The following EFR3B variants were observed in gnomAD, a reference collection of about 807,000 sequenced individuals.
EFR3B encodes EFR3 homolog B.
In EFR3B, 64 loss-of-function variants were observed where a neutral mutation model predicts 104.7. The ratio of observed to expected loss-of-function variants is 0.61; its 90% CI spans 0.50 to 0.75. EFR3B has a LOEUF of 0.75. Ranked by LOEUF, EFR3B falls within the 30% of genes least tolerant of loss-of-function variation. EFR3B has a pLI of 0.00. For synonymous variants in EFR3B, 385 were observed against 417.9 expected, an observed-to-expected ratio of 0.92 and a Z score of 0.96; for missense variants, 750 against 1,078.5, an observed-to-expected ratio of 0.70 and a Z score of 4.27.
At chr2:25,063,834 C>T (rs1668261288) in intron 1 of EFR3B, among the ~76,000 whole-genome samples, 1 of 152,208 alleles carries the variant, frequency 6.6e-6, no homozygotes, top group South Asian at 2.1e-4. Flanking sequence ...GTTCTCCACT[C>T]CTCATTTAGA....
At chr2:25,128,356 G>T (rs1469464669) in intron 6 of EFR3B, 24 bp downstream of exon 6, 1 of 1,551,414 alleles carries the variant, frequency 6.4e-7, no homozygotes, top group South Asian at 1.2e-5. Context: ...GATGGGGCAG[G>T]ACAGTAGATA....
intron 2 of EFR3B, 21 bp from the exon 3 acceptor site, chr2:25,092,982 A>G (rs1376387513): frequency 6.5e-7 from 1 of 1,540,792 alleles, no homozygotes; most frequent in Non-Finnish European, 8.7e-7. Context: ...CATAGTGAGC[A>G]CAAGCTGTTT....
At chr2:25,103,209 C>T (rs1473357573) in intron 3 of EFR3B, among the ~76,000 whole-genome samples, 1 of 152,178 alleles carries the variant, frequency 6.6e-6, no homozygotes, top group Non-Finnish European at 1.5e-5. Context: ...ATCCTTACAC[C>T]CCCTGCACTG....
chr2:25,086,535 G>C (rs1317474472), intron 1 of EFR3B, among the ~76,000 whole-genome samples: 1 of 152,092 alleles, frequency 6.6e-6, no homozygotes, highest in Non-Finnish European at 1.5e-5. Flanking sequence ...TCTTTTCATA[G>C]GCTTATTTGC....
intron 1 of EFR3B, among the ~76,000 whole-genome samples, chr2:25,071,582 A>T (rs546166127): frequency 2.6e-5 from 4 of 152,136 alleles, no homozygotes; most frequent in Non-Finnish European, 5.9e-5. Flanking sequence ...TCTTTTCTGC[A>T]CATCCCCTGT....
chr2:25,048,657 C>T (rs1453590750), intron 1 of EFR3B, among the ~76,000 whole-genome samples: 1 of 152,096 alleles, frequency 6.6e-6, no homozygotes, highest in Non-Finnish European at 1.5e-5. Context: ...TATAAAATAA[C>T]AAGAGTTACA....
At chr2:25,145,919 C>T (rs961328098) in intron 19 of EFR3B, 3 of 151,784 alleles carry the variant, frequency 2.0e-5, no homozygotes, top group Non-Finnish European at 4.4e-5. Flanking sequence ...TGAAGTCTGT[C>T]GTTTACACTG....
Position 25,136,598 on chromosome 2 carries a change from G to T in EFR3B, c.1560G>T (p.Lys520Asn). The change falls in exon 14 of 23, where the codon AAG (lysine) becomes AAT (asparagine). Residue 520 changes from lysine to asparagine, a missense_variant and splice_region_variant. Transcript: ENST00000403714. This position sits in a 1 kb window ranked among gnomAD's most constrained non-coding sequence, Gnocchi z 4.0. ...CSRQDTVFMK[K>N]HSQQLYRHIY... ...GACAGGACACCGTCTTCATGAAGAAGGTAAACAAGCATGACCTCCAGGCAC... is the reference window on the plus strand; with the variant it reads ...GACAGGACACCGTCTTCATGAAGAATGTAAACAAGCATGACCTCCAGGCAC... 6.4e-7 allele frequency: 1 copy of T among 1,551,170 alleles called. No homozygotes were observed. The highest frequency in any genetic ancestry group is 8.7e-7 in the Non-Finnish European group (1 of 1,146,750).
intron 1 of EFR3B, among the ~76,000 whole-genome samples, chr2:25,048,102 A>G (rs1326945282): frequency 6.6e-6 from 1 of 152,048 alleles, no homozygotes; most frequent in Admixed American, 6.6e-5. Context: ...TGTAGCCTCA[A>G]CCTCCTGAGC....
At chr2:25,127,009 C>T (rs890030301) in intron 5 of EFR3B, among the ~76,000 whole-genome samples, 2 of 151,432 alleles carry the variant, frequency 1.3e-5, no homozygotes, top group Non-Finnish European at 1.5e-5. Context: ...CTGACCAACA[C>T]GGTGAAACCC....
intron 1 of EFR3B, among the ~76,000 whole-genome samples, chr2:25,065,581 C>G (rs1205354979): frequency 6.6e-6 from 1 of 152,142 alleles, no homozygotes; most frequent in Admixed American, 6.5e-5. Flanking sequence ...ATTCACTTCA[C>G]ACTATTTGAA....
At chr2:25,088,668 A>C (rs546217) in intron 1 of EFR3B, among the ~76,000 whole-genome samples, 77,855 of 151,898 alleles carry the variant, frequency 0.51, 20,668 homozygotes, top group East Asian at 0.8. Context: ...TCTACCAGCC[A>C]TGTGGGATAG....
At position 25,114,264 on chromosome 2, in the gene EFR3B, C is replaced by G. The variant is rs1274793600; in HGVS notation, c.364-7409C>G. Among the ~76,000 whole-genome samples, 1 of 152,132 alleles carries G rather than the reference C, an allele frequency of 6.6e-6. No individual in the cohort carries two copies. Among genetic ancestry groups the G allele is most frequent in the Non-Finnish European group, 1.5e-5 (1 of 68,014 alleles). On this transcript the variant is annotated intron_variant, in intron 4 of 22. Transcript: ENST00000403714. The surrounding 1 kb of genome is among the most constrained non-coding windows in gnomAD (Gnocchi z 4.0). ...ATAGGGTGGGCTCTCTAGGAGCTGC[C>G]CCAACAGGGACCCACGGACAGCGCT...
chr2:25,053,936 A>G (rs1667951732), intron 1 of EFR3B, among the ~76,000 whole-genome samples: 1 of 152,074 alleles, frequency 6.6e-6, no homozygotes, highest in African/African-American at 2.4e-5. Context: ...AAACACACAA[A>G]CAAAAAATTC....
At chr2:25,152,952 C>T (rs1310502600) in intron 21 of EFR3B, among the ~76,000 whole-genome samples, 1 of 152,124 alleles carries the variant, frequency 6.6e-6, no homozygotes, top group Non-Finnish European at 1.5e-5. Flanking sequence ...AGTCACGGAA[C>T]ACGTGCAGTC....
chr2:25,082,634 C>T (rs1449131419), intron 1 of EFR3B, among the ~76,000 whole-genome samples: 1 of 152,144 alleles, frequency 6.6e-6, no homozygotes, highest in African/African-American at 2.4e-5. Context: ...CTTTTCTGCT[C>T]GATCACACTG....
At chr2:25,068,494 T>A (rs1014260514) in intron 1 of EFR3B, among the ~76,000 whole-genome samples, 2 of 152,172 alleles carry the variant, frequency 1.3e-5, no homozygotes, top group Non-Finnish European at 2.9e-5. Context: ...TTCATTATGC[T>A]CATCCTGGGG....
intron 1 of EFR3B, among the ~76,000 whole-genome samples, chr2:25,060,161 A>G (rs1668148437): frequency 6.6e-6 from 1 of 152,154 alleles, no homozygotes; most frequent in African/African-American, 2.4e-5. Context: ...ACGCCATTGC[A>G]CTCCAGCCTG....
At chr2:25,065,596 C>T (rs1668312968) in intron 1 of EFR3B, among the ~76,000 whole-genome samples, 1 of 152,154 alleles carries the variant, frequency 6.6e-6, no homozygotes, top group Admixed American at 6.5e-5. Context: ...TTTGAAATTC[C>T]AGTGTCACCT....
Sources: allele counts gnomAD v4.1 joint callset (sites outside exome capture counted in the v4.1 genomes callset), GRCh38; gene constraint gnomAD v4.1.1; non-coding constraint Gnocchi (gnomAD v3.1); transcripts MANE v1.5; gene names NCBI Gene and HGNC (gene_info 2026-07-23, HGNC 2026-07-21).